Variants in APBB1 observed in about 807,000 individuals in gnomAD.
APBB1 encodes the protein amyloid beta precursor protein binding family B member 1, also known as adaptor protein FE65a2.
Under a neutral mutation model 78.4 loss-of-function variants are expected in APBB1, and 22 were observed. The observed-to-expected ratio is 0.28, with a 90% CI of 0.20 to 0.40. The LOEUF is 0.40. Ranked by LOEUF, APBB1 falls within the 10% of genes least tolerant of loss-of-function variation. APBB1 has a pLI of 1.00. For synonymous variants in APBB1, 369 were observed against 372.7 expected, an observed-to-expected ratio of 0.99 and a Z score of 0.12; for missense variants, 749 against 932.4, an observed-to-expected ratio of 0.80 and a Z score of 2.56.
intron 1 of APBB1, among the ~76,000 whole-genome samples, chr11:6,418,088 A>G (rs1342910564): frequency 6.6e-6 from 1 of 152,210 alleles, no homozygotes; most frequent in Admixed American, 6.5e-5. Flanking sequence ...CTGAGAGAAG[A>G]CAGCTCGGGA....
At chr11:6,400,957 A>G (rs375736918) in intron 12 of APBB1, 32 bp downstream of exon 12, 3 of 1,594,186 alleles carry the variant, frequency 1.9e-6, no homozygotes, top group Non-Finnish European at 1.7e-6. Context: ...GGATCAAGGT[A>G]GCAGCCCCTG....
In APBB1 at chr11:6,403,740, G is replaced by C. The variant is rs765906732; in HGVS notation, c.804C>G (p.Thr268=). Reference sequence around the variant, plus strand: ...TCCCTGTTGGGATGTGCCAGTAATAGGTCCCTGAGGTGTCCTGGACCCTCA... The same window carrying C: ...TCCCTGTTGGGATGTGCCAGTAATACGTCCCTGAGGTGTCCTGGACCCTCA... ...GWMRVQDTSG[T]YYWHIPTGTT... The change falls in exon 3 of 15, where the codon ACC becomes ACG. Residue 268 remains threonine, a synonymous_variant. Coordinates refer to ENST00000609360, the MANE Select transcript of APBB1 (RefSeq NM_001164.5). The surrounding 1 kb of genome is among the most constrained non-coding windows in gnomAD (Gnocchi z 5.3). 5 of 1,608,474 alleles carry C rather than the reference G, an allele frequency of 3.1e-6. No homozygotes were observed. In the Admixed American group the frequency reaches 6.7e-5, roughly 22 times the overall value.
upstream of APBB1, chr11:6,419,143 G>A: frequency 2.8e-6 from 1 of 357,878 alleles, no homozygotes; most frequent in Non-Finnish European, 5.0e-6. Context: ...GGAGGGGGAG[G>A]GGCGCCATCT....
chr11:6,409,572 G>A (rs910909157), intron 2 of APBB1, among the ~76,000 whole-genome samples: 1 of 152,100 alleles, frequency 6.6e-6, no homozygotes, highest in African/African-American at 2.4e-5. Flanking sequence ...TTTCGAAAGG[G>A]GATGGTGTGC....
chr11:6,411,338 G>A lies in APBB1; in HGVS notation c.10C>T (p.Pro4Ser). 1 of 1,540,894 alleles carries A rather than the reference G, an allele frequency of 6.5e-7. No homozygotes were observed. Among genetic ancestry groups the A allele is most frequent in the African/African-American group, 1.4e-5 (1 of 72,864 alleles). MSV[P>S]SSLSQSAINA... ...ATGGCCGACTGGCTCAGTGATGATG[G>A]AACAGACATGGCCTTGGCAGCTCCT... The change falls in exon 2 of 15, where the codon CCA becomes TCA. Residue 4 changes from proline to serine, a missense_variant. By Grantham distance (74) the Pro-to-Ser change is moderately conservative. This residue lies in a region of APBB1 where 635 missense variants were observed against 765.0 expected (regional missense o/e 0.83). Transcript: ENST00000609360. This position sits in a 1 kb window ranked among gnomAD's most constrained non-coding sequence, Gnocchi z 5.2.
At chr11:6,402,533 C>T (rs1354255498) in intron 7 of APBB1, 43 bp downstream of exon 7, 1 of 1,594,200 alleles carries the variant, frequency 6.3e-7, no homozygotes, top group South Asian at 1.1e-5. Context: ...ATTCCCTTCA[C>T]ACTCTCACAG....
chr11:6,404,760 G>A, intron 2 of APBB1: 1 of 1,536,274 alleles, frequency 6.5e-7, no homozygotes, highest in Non-Finnish European at 8.7e-7. Flanking sequence ...CTGCTGTCCT[G>A]CAGGATAATG....
Position 6,395,212 on chromosome 11 carries a change from T to C in APBB1, c.*322A>G, listed in dbSNP as rs1471912619. The C allele has an allele frequency of 7.0e-6, 2 of 283,824 alleles. No homozygotes were observed. The highest frequency in any genetic ancestry group is 4.4e-5 in the African/African-American group (2 of 45,724). 17.6% of individuals were successfully genotyped at this position (283,824 alleles called of 1,614,324 possible). On this transcript the variant is annotated 3_prime_UTR_variant, in exon 15 of 15. Coordinates refer to ENST00000609360, the MANE Select transcript of APBB1 (RefSeq NM_001164.5). The surrounding 1 kb of genome is among the most constrained non-coding windows in gnomAD (Gnocchi z 5.2). Reference sequence around the variant, plus strand: ...AGGGACCCATGCCTGGACCAGTCCCTTCCTCCTTCTGCCCCTGCTGGGTCC... The same window carrying C: ...AGGGACCCATGCCTGGACCAGTCCCCTCCTCCTTCTGCCCCTGCTGGGTCC...
Position 6,401,867 on chromosome 11 carries a change from G to T in APBB1, c.1388+110C>A. On this transcript the variant is annotated intron_variant, in intron 9 of 14. Coordinates refer to ENST00000609360, the MANE Select transcript of APBB1 (RefSeq NM_001164.5). This position sits in a 1 kb window ranked among gnomAD's most constrained non-coding sequence, Gnocchi z 4.5. ...GTAGACAGGCAAGCATGCTGAGGTG[G>T]AGGGTAATGGTGGAGCATAGCGGGT... 1.3e-6 allele frequency: 2 copies of T among 1,484,184 alleles called. No homozygotes were observed. The highest frequency in any genetic ancestry group is 1.8e-6 in the Non-Finnish European group (2 of 1,089,310). 91.9% of individuals were successfully genotyped at this position (1,484,184 alleles called of 1,614,324 possible).
In APBB1 at chr11:6,403,244, C is replaced by T; in HGVS notation, c.1041-36G>A. 6.2e-7 allele frequency: 1 copy of T among 1,610,574 alleles called. No homozygotes were observed. Among genetic ancestry groups the T allele is most frequent in the Non-Finnish European group, 8.5e-7 (1 of 1,178,100 alleles). ...ATGGTAATACTTGGCACAGGGCTCC[C>T]ATAAATGGAGCTGTCCCAAGGCCCC... On this transcript the variant is annotated intron_variant, in intron 5 of 14. Transcript: ENST00000609360. The surrounding 1 kb of genome is among the most constrained non-coding windows in gnomAD (Gnocchi z 5.3).
rs1168401662 is a variant in APBB1 at position 6,411,112 on chromosome 11, C to T, written c.236G>A (p.Arg79Gln). Residue 79 changes from arginine to glutamine, a missense_variant, in exon 2 of 15, where the codon CGG becomes CAG. Coordinates refer to ENST00000609360, the MANE Select transcript of APBB1 (RefSeq NM_001164.5). The surrounding 1 kb of genome is among the most constrained non-coding windows in gnomAD (Gnocchi z 5.2). ...CTGGTCACGGTGGGCCGTGGCGGCC[C>T]GCCGGAGCTGGTTCTGGCCCTCTTT... ...WLKEGQNQLRRAATAHRDQNR... is the reference protein window; with the variant it reads ...WLKEGQNQLRQAATAHRDQNR... 6.2e-6 allele frequency: 10 copies of T among 1,612,296 alleles called. No individual in the cohort carries two copies. Among genetic ancestry groups the T allele is most frequent in the African/African-American group, 1.3e-5 (1 of 74,936 alleles).
In APBB1 at chr11:6,401,374, T is replaced by G; in HGVS notation, c.1559A>C (p.His520Pro). ...RCLVNGLSLD[H>P]SKLVDVPFQV... Reference sequence around the variant, plus strand: ...GAAAGGGACATCCACAAGTTTAGAGTGGTCCAGGGAGAGTCCATTTACCAA... The same window carrying G: ...GAAAGGGACATCCACAAGTTTAGAGGGGTCCAGGGAGAGTCCATTTACCAA... The change falls in exon 11 of 15, where the codon CAC becomes CCC. Residue 520 changes from histidine to proline, a missense_variant. His to Pro is a moderately conservative substitution (Grantham distance 77). Around this residue, in one of 3 missense-constraint regions of APBB1, gnomAD observed 635 missense variants for 765.0 expected, o/e 0.83. Coordinates refer to ENST00000609360, the MANE Select transcript of APBB1 (RefSeq NM_001164.5). The surrounding 1 kb of genome is among the most constrained non-coding windows in gnomAD (Gnocchi z 4.5). 1 of 1,613,934 alleles carries G rather than the reference T, an allele frequency of 6.2e-7. No homozygotes were observed. Among genetic ancestry groups the G allele is most frequent in the Non-Finnish European group, 8.5e-7 (1 of 1,179,996 alleles).
intron 2 of APBB1, among the ~76,000 whole-genome samples, chr11:6,409,328 G>C (rs1164165774): frequency 3.6e-4 from 55 of 151,960 alleles, no homozygotes; most frequent in Admixed American, 3.6e-3. Flanking sequence ...ACCCATTTTA[G>C]CCTTCTAAAA....
rs751916547 is a variant in APBB1 at position 6,401,305 on chromosome 11, A to C, written c.1588+40T>G. On this transcript the variant is annotated intron_variant, in intron 11 of 14. Coordinates refer to ENST00000609360, the MANE Select transcript of APBB1 (RefSeq NM_001164.5). This position sits in a 1 kb window ranked among gnomAD's most constrained non-coding sequence, Gnocchi z 4.5. Reference sequence around the variant, plus strand: ...TTTCCTTGGGTCACCCACCTTTGCCAACAAAGCTGAGCTGGACCTGGAGGG... The same window carrying C: ...TTTCCTTGGGTCACCCACCTTTGCCCACAAAGCTGAGCTGGACCTGGAGGG... 6.2e-7 allele frequency: 1 copy of C among 1,614,140 alleles called. No individual in the cohort carries two copies. The highest frequency in any genetic ancestry group is 1.1e-5 in the South Asian group (1 of 91,076).
At chr11:6,418,905 G>T (rs1849187810) in intron 1 of APBB1, 80 bp downstream of exon 1, 7 of 371,894 alleles carry the variant, frequency 1.9e-5, no homozygotes, top group Admixed American at 1.4e-4. Flanking sequence ...CTGCCGCAGG[G>T]TAGGGGCTAC....
chr11:6,400,541 TAAAAAA>T (rs5789463), intron 12 of APBB1, among the ~76,000 whole-genome samples: 1 of 142,026 alleles, frequency 7.0e-6, no homozygotes, highest in Admixed American at 7.0e-5. Flanking sequence ...GACTTGTCTT[TAAAAAA>T]AAAAAAAAAA....
rs1848551091 is a variant in APBB1, at chr11:6,402,119, T to C, written c.1345A>G (p.Ser449Gly). The C allele has an allele frequency of 6.2e-7, 1 of 1,614,144 alleles. No homozygotes were observed. Among genetic ancestry groups the C allele is most frequent in the Non-Finnish European group, 8.5e-7 (1 of 1,180,004 alleles). Residue 449 changes from serine to glycine, a missense_variant, in exon 8 of 15, where the codon AGC becomes GGC. Around this residue, in one of 3 missense-constraint regions of APBB1, gnomAD observed 635 missense variants for 765.0 expected, o/e 0.83. Coordinates refer to ENST00000609360, the MANE Select transcript of APBB1 (RefSeq NM_001164.5). Reference protein sequence around the residue: ...QALLHAQPIISIRVWGVGRDS... With the variant: ...QALLHAQPIIGIRVWGVGRDS... ...CGCCCGACGCCCCACACGCGGATGC[T>C]GATGATGGGTTGGGCGTGCAGCAGT...
Position 6,403,891 on chromosome 11 carries a change from C to A in APBB1, c.722-69G>T, listed in dbSNP as rs767653884. The A allele has an allele frequency of 1.6e-4, 239 of 1,484,718 alleles. No homozygotes were observed. The highest frequency in any genetic ancestry group is 2.1e-4 in the Non-Finnish European group (229 of 1,107,452). The allele number at this position is 1,484,718 out of a possible 1,614,324, so 92.0% of individuals were successfully genotyped here. ...CAGACAGCTGGTGCCTATGCCCGGT[C>A]CCCTCTGAGACCCCATGGTTGAGAA... is the stretch of plus-strand genomic sequence containing the variant. On this transcript the variant is annotated intron_variant, in intron 2 of 14. Transcript: ENST00000609360. This position sits in a 1 kb window ranked among gnomAD's most constrained non-coding sequence, Gnocchi z 5.3.
Position 6,409,672 on chromosome 11 carries a change from G to C in APBB1, c.721+955C>G, listed in dbSNP as rs1848909935. ...GTGTCCGCCACCTGGTAAGGATAGG[G>C]GTCTTTCCTAATCTTTCTTAGACCT... On this transcript the variant is annotated intron_variant, in intron 2 of 14. Transcript: ENST00000609360. 1.4e-5 allele frequency among the ~76,000 whole-genome samples: 2 copies of C among 146,264 alleles called. 1 individual carries two copies. The highest frequency in any genetic ancestry group is 5.6e-5 in the African/African-American group (2 of 35,822).
Sources: allele counts gnomAD v4.1 joint callset (sites outside exome capture counted in the v4.1 genomes callset), GRCh38; gene constraint gnomAD v4.1.1; regional missense constraint gnomAD v4.1.1; non-coding constraint Gnocchi (gnomAD v3.1); transcripts MANE v1.5; gene names NCBI Gene and HGNC (gene_info 2026-07-23, HGNC 2026-07-21).